The following HAPLN1 variants were observed in gnomAD, a reference collection of about 807,000 sequenced individuals.
HAPLN1 encodes the protein hyaluronan and proteoglycan link protein 1, also known as Cartilage link protein.
HAPLN1 carries 13 observed loss-of-function variants against 36.5 expected under a neutral mutation model. The observed-to-expected ratio is 0.36, with a 90% CI of 0.23 to 0.57. The LOEUF is 0.57. Among genes scored for constraint, HAPLN1 ranks in the 20% least tolerant of loss-of-function variants. The probability of loss-of-function intolerance (pLI) is 0.83; values close to 1 mark genes in which losing one functional copy is unlikely to be tolerated. For synonymous variants in HAPLN1, 202 were observed against 169.8 expected (o/e 1.19, Z -1.48); for missense variants, 407 against 439.7 (o/e 0.93, Z 0.66).
intron 1 of HAPLN1, among the ~76,000 whole-genome samples, chr5:83,685,213 TG>T (rs1166537921): frequency 3.9e-5 from 6 of 152,356 alleles, no homozygotes; most frequent in African/African-American, 1.4e-4. Context: ...ATTGTCTGCA[TG>T]TGTAACTACT....
intron 2 of HAPLN1, among the ~76,000 whole-genome samples, chr5:83,661,738 CG>C (rs1392537526): frequency 7.9e-5 from 12 of 152,192 alleles, no homozygotes; most frequent in African/African-American, 2.9e-4. Flanking sequence ...CAACGGCACC[CG>C]GCCCAGAAAA....
chr5:83,702,330 T>A (rs939233046), intron 1 of HAPLN1, among the ~76,000 whole-genome samples: 2 of 152,230 alleles, frequency 1.3e-5, no homozygotes, highest in African/African-American at 4.8e-5. Context: ...AACTTTTCAG[T>A]CATCATTTTT....
At chr5:83,679,435 G>A (rs890327373) in intron 1 of HAPLN1, among the ~76,000 whole-genome samples, 1 of 151,968 alleles carries the variant, frequency 6.6e-6, no homozygotes, top group Non-Finnish European at 1.5e-5. Flanking sequence ...TTTCTATCCT[G>A]TTTTTCCCCT....
chr5:83,660,669 G>T (rs1192425791), intron 2 of HAPLN1, among the ~76,000 whole-genome samples: 1 of 152,026 alleles, frequency 6.6e-6, no homozygotes, highest in African/African-American at 2.4e-5. Context: ...GTTTAACTCT[G>T]TTCTGTTGAT....
intron 1 of HAPLN1, among the ~76,000 whole-genome samples, chr5:83,699,370 T>A (rs1561321732): frequency 6.6e-6 from 1 of 152,180 alleles, no homozygotes; most frequent in Non-Finnish European, 1.5e-5. Context: ...AAGAAGGAAA[T>A]GTACAGTTCA....
intron 1 of HAPLN1, among the ~76,000 whole-genome samples, chr5:83,690,870 G>A (rs931627177): frequency 1.1e-4 from 16 of 151,806 alleles, no homozygotes; most frequent in African/African-American, 3.9e-4. Context: ...ATTTTTATTA[G>A]TTTTATATGA....
intron 2 of HAPLN1, among the ~76,000 whole-genome samples, chr5:83,658,902 C>T (rs538827221): frequency 8.5e-5 from 13 of 152,242 alleles, no homozygotes; most frequent in African/African-American, 3.1e-4. Context: ...TCTTGAGTCT[C>T]TAGAAAGGAA....
chr5:83,715,089 T>C lies in HAPLN1; in HGVS notation c.-27+5700A>G, dbSNP rs146511682. On this transcript the variant is annotated intron_variant, in intron 1 of 4. Transcript: ENST00000274341. ...TCTGTTCTCACACAGGGAGTGGAGA[T>C]AACTGAGAGACTGAAGACCTTGGGG... Among the ~76,000 whole-genome samples the C allele has an allele frequency of 2.1e-4, 32 of 152,230 alleles. 1 individual carries two copies. In the East Asian group the frequency reaches 6.2e-3, roughly 29 times the overall value.
At chr5:83,664,220 C>T (rs1200317068) in intron 2 of HAPLN1, among the ~76,000 whole-genome samples, 1 of 150,972 alleles carries the variant, frequency 6.6e-6, no homozygotes, top group African/African-American at 2.4e-5. Context: ...CCCTGGAATG[C>T]TCTGCCTCTG....
intron 1 of HAPLN1, chr5:83,685,956 T>G (rs1561316860): frequency 6.6e-6 from 1 of 152,086 alleles, no homozygotes. Flanking sequence ...CTATCTATAC[T>G]TTCTTGCAAG....
chr5:83,673,683 T>G (rs1447839780), intron 1 of HAPLN1, 134 bp from the exon 2 acceptor site: 15 of 602,202 alleles, frequency 2.5e-5, no homozygotes, highest in Non-Finnish European at 4.0e-5. Flanking sequence ...TTCAGAAAGT[T>G]ACTGTAGCTG....
intron 2 of HAPLN1, among the ~76,000 whole-genome samples, chr5:83,662,199 A>G (rs915631283): frequency 3.9e-5 from 6 of 152,160 alleles, no homozygotes; most frequent in African/African-American, 1.4e-4. Flanking sequence ...CACCATGCCC[A>G]GCTGGTTAAC....
rs574690106 is a variant in HAPLN1, at chr5:83,640,251, A to G, written c.*1245T>C. ...TGCTAATGTGGAAAATTGTGTTTGG[A>G]AGCTGGACTTAACCTTTTATTTAAA... On this transcript the variant is annotated 3_prime_UTR_variant, in exon 5 of 5. Coordinates refer to ENST00000274341, the MANE Select transcript of HAPLN1 (RefSeq NM_001884.4). The G allele has an allele frequency of 1.4e-5, 2 of 143,726 alleles. No homozygotes were observed. Among genetic ancestry groups the G allele is most frequent in the Non-Finnish European group, 3.2e-5 (2 of 62,910 alleles). The allele number at this position is 143,726 out of a possible 1,614,324, so 8.9% of individuals were successfully genotyped here. A position where few individuals can be genotyped will look rare whatever the true frequency, so the allele number is the denominator to read the frequency against.
chr5:83,650,362 T>G (rs1750019927), intron 3 of HAPLN1, among the ~76,000 whole-genome samples: 1 of 152,244 alleles, frequency 6.6e-6, no homozygotes, highest in Non-Finnish European at 1.5e-5. Flanking sequence ...TGTGCCTACT[T>G]ATTTTACTGA....
At chr5:83,663,033 G>A (rs1750450422) in intron 2 of HAPLN1, among the ~76,000 whole-genome samples, 1 of 152,148 alleles carries the variant, frequency 6.6e-6, no homozygotes, top group Non-Finnish European at 1.5e-5. Context: ...CAAAACAAAA[G>A]GCAAGTCAAA....
At chr5:83,677,277 A>G (rs1236818245) in intron 1 of HAPLN1, among the ~76,000 whole-genome samples, 1 of 152,180 alleles carries the variant, frequency 6.6e-6, no homozygotes, top group Admixed American at 6.5e-5. Context: ...AGCATGTACA[A>G]CAAGGAGCTG....
intron 2 of HAPLN1, among the ~76,000 whole-genome samples, chr5:83,656,436 TA>T (rs36012664): frequency 0.35 from 49,692 of 143,130 alleles, 9,502 homozygotes; most frequent in African/African-American, 0.55. Context: ...AGTATTGCTT[TA>T]AAAAAAAAAA....
intron 1 of HAPLN1, chr5:83,674,725 A>G (rs1209162589): frequency 1.3e-5 from 2 of 151,822 alleles, no homozygotes; most frequent in African/African-American, 4.8e-5. Context: ...AGAAAGCCTG[A>G]CTCCCTGGGA....
At chr5:83,695,727 C>T (rs1031398178) in intron 1 of HAPLN1, among the ~76,000 whole-genome samples, 18 of 150,164 alleles carry the variant, frequency 1.2e-4, no homozygotes, top group African/African-American at 4.1e-4. Flanking sequence ...ATCCAACATC[C>T]ACTCCAACTA....
Sources: allele counts gnomAD v4.1 joint callset (sites outside exome capture counted in the v4.1 genomes callset), GRCh38; gene constraint gnomAD v4.1.1; transcripts MANE v1.5; gene names NCBI Gene and HGNC (gene_info 2026-07-23, HGNC 2026-07-21).